The following KLF17 variants were observed in gnomAD, a reference collection of about 807,000 sequenced individuals.
KLF17 encodes the protein Krueppel-like factor 17.
KLF17 carries 31 observed loss-of-function variants against 34.2 expected under a neutral mutation model. That is an observed-to-expected ratio of 0.91 (90% CI 0.68 to 1.22). The LOEUF (loss-of-function observed/expected upper bound fraction) is 1.22, where lower values mean the gene tolerates loss of function less well. Ranked by LOEUF, KLF17 falls within the 50% of genes most tolerant of loss-of-function variation. The probability of loss-of-function intolerance (pLI) is 0.00; values close to 1 mark genes in which losing one functional copy is unlikely to be tolerated. For synonymous variants in KLF17, 179 were observed against 186.7 expected, an observed-to-expected ratio of 0.96 and a Z score of 0.34; for missense variants, 478 against 505.2, an observed-to-expected ratio of 0.95 and a Z score of 0.52.
chr1:44,066,597 A>C, the KLF17 span, among the ~76,000 whole-genome samples: 1 of 152,050 alleles, frequency 6.6e-6, no homozygotes, highest in Admixed American at 6.5e-5. Flanking sequence ...TTGAATATCC[A>C]CTCTGGAAAA....
rs141307073 is a variant in KLF17, at chr1:44,129,839, A to T, written c.568A>T (p.Thr190Ser). Residue 190 changes from threonine (T) to serine (S), a missense_variant, in exon 2 of 4, where the codon ACA (threonine) becomes TCA (serine). By Grantham distance (58) the Thr-to-Ser change is moderately conservative. Coordinates refer to ENST00000372299, the MANE Select transcript of KLF17 (RefSeq NM_173484.4). The part of the protein sequence containing the change: ...PGLSTVPSDE[T>S]LLGPTVPSTE... ...CCTCTCGACAGTACCTTCTGACGAAACATTGTTGGGCCCGACTGTGCCTTC... is the reference window on the plus strand; with the variant it reads ...CCTCTCGACAGTACCTTCTGACGAATCATTGTTGGGCCCGACTGTGCCTTC... 181 of 1,613,972 alleles carry T rather than the reference A, an allele frequency of 1.1e-4. No homozygotes were observed. The highest frequency in any genetic ancestry group is 1.4e-4 in the Non-Finnish European group (166 of 1,180,022).
chr1:44,099,853 G>GAAAGAAAA, the KLF17 span, among the ~76,000 whole-genome samples: 16 of 39,966 alleles, frequency 4.0e-4, 2 homozygotes, highest in African/African-American at 1.4e-3. Flanking sequence ...AAGAAAGAAA[G>GAAAGAAAA]AAAGAAAGAA....
the KLF17 span, chr1:44,104,191 G>A: frequency 1.6e-5 from 17 of 1,076,864 alleles, no homozygotes; most frequent in Non-Finnish European, 2.2e-5. Flanking sequence ...TTCTTGATGA[G>A]GACAAATTGA....
Position 44,129,941 on chromosome 1 carries a change from C to A in KLF17, c.670C>A (p.Pro224Thr), listed in dbSNP as rs149698028. Residue 224 changes from proline to threonine, a missense_variant, in exon 2 of 4, where the codon CCA becomes ACA. By Grantham distance (38) the Pro-to-Thr change is conservative. Coordinates refer to ENST00000372299, the MANE Select transcript of KLF17 (RefSeq NM_173484.4). ...AGATGCCCATGACCTTGGGATGCCC[C>A]CAGCTGAGTCCCAGTCATTGCTGGT... Reference protein sequence around the residue: ...PQDAHDLGMPPAESQSLLVLG... With the variant: ...PQDAHDLGMPTAESQSLLVLG... 6.2e-7 allele frequency: 1 copy of A among 1,614,080 alleles called. No individual in the cohort carries two copies. The highest frequency in any genetic ancestry group is 8.5e-7 in the Non-Finnish European group (1 of 1,180,046).
At chr1:44,125,765 G>A (rs1424543304) in intron 1 of KLF17, among the ~76,000 whole-genome samples, 1 of 152,134 alleles carries the variant, frequency 6.6e-6, no homozygotes, top group African/African-American at 2.4e-5. Context: ...ACCGCACCTG[G>A]CCTCAACTGT....
At chr1:44,112,115 A>G in the KLF17 span, among the ~76,000 whole-genome samples, 2 of 152,210 alleles carry the variant, frequency 1.3e-5, no homozygotes, top group East Asian at 3.8e-4. Context: ...TTGTTTGACC[A>G]TACCAACATG....
intron 1 of KLF17, among the ~76,000 whole-genome samples, chr1:44,120,221 A>G (rs912091564): frequency 2.6e-5 from 4 of 152,272 alleles, no homozygotes; most frequent in Admixed American, 2.6e-4. Context: ...TTAGAAGAGC[A>G]TGTGGGCCAT....
At chr1:44,081,818 C>T in the KLF17 span, among the ~76,000 whole-genome samples, 1 of 152,142 alleles carries the variant, frequency 6.6e-6, no homozygotes, top group Non-Finnish European at 1.5e-5. Context: ...TCCTTGTACT[C>T]CTAAGTGTAT....
At chr1:44,096,945 G>A in the KLF17 span, among the ~76,000 whole-genome samples, 37 of 152,208 alleles carry the variant, frequency 2.4e-4, no homozygotes, top group African/African-American at 8.9e-4. Context: ...TTCTTCTAGG[G>A]TTTTTATGGT....
the KLF17 span, chr1:44,103,537 G>T: frequency 7.4e-7 from 1 of 1,354,218 alleles, no homozygotes; most frequent in Non-Finnish European, 1.1e-6. Flanking sequence ...GTCTTCGTAT[G>T]GATACTCCTG....
the KLF17 span, among the ~76,000 whole-genome samples, chr1:44,081,503 C>T: frequency 2.0e-5 from 3 of 151,466 alleles, no homozygotes; most frequent in African/African-American, 7.3e-5. Context: ...GCAACCTCCA[C>T]CTCCCGGGTT....
chr1:44,073,478 C>T, the KLF17 span, among the ~76,000 whole-genome samples: 12,408 of 151,904 alleles, frequency 0.082, 508 homozygotes, highest in African/African-American at 0.1. Flanking sequence ...AGTGCTGGGA[C>T]TACAGGCATG....
At chr1:44,074,107 G>A in the KLF17 span, among the ~76,000 whole-genome samples, 32 of 151,590 alleles carry the variant, frequency 2.1e-4, no homozygotes, top group African/African-American at 6.3e-4. Flanking sequence ...TTTTTATTCC[G>A]TTCATCTATA....
intron 1 of KLF17, among the ~76,000 whole-genome samples, chr1:44,126,009 T>TTTTTTGTTTTGTTTTG (rs2088003453): frequency 6.6e-6 from 1 of 151,766 alleles, no homozygotes. Context: ...GACAAGGTTT[T>TTTTTTGTTTTGTTTTG]TTTTGTTTTG....
At chr1:44,046,128 G>GGATAAT in the KLF17 span, 1 of 71,934 alleles carries the variant, frequency 1.4e-5, no homozygotes, top group Non-Finnish European at 2.7e-5. Flanking sequence ...ATTTGGTAAA[G>GGATAAT]GATAATAATA....
At chr1:44,093,114 T>A in the KLF17 span, among the ~76,000 whole-genome samples, 2 of 152,176 alleles carry the variant, frequency 1.3e-5, no homozygotes, top group African/African-American at 4.8e-5. Context: ...ATCCTATTTG[T>A]CCATGTTTGC....
the KLF17 span, among the ~76,000 whole-genome samples, chr1:44,067,829 C>A: frequency 6.6e-6 from 1 of 151,780 alleles, no homozygotes; most frequent in East Asian, 1.9e-4. Context: ...GTGGGGATAA[C>A]CTGGGGCCAG....
At chr1:44,050,261 C>T in the KLF17 span, among the ~76,000 whole-genome samples, 3 of 152,154 alleles carry the variant, frequency 2.0e-5, no homozygotes, top group African/African-American at 4.8e-5. Flanking sequence ...ACCAGCACAC[C>T]ACTGCCAATG....
At chr1:44,117,045 C>T (rs772710559), upstream of KLF17, 22 of 152,150 alleles carry the variant, frequency 1.4e-4, no homozygotes, top group Non-Finnish European at 2.8e-4. Context: ...CTTTCCCTCC[C>T]TCCCTACCCC....
Sources: gnomAD v4.1 joint callset for allele counts (sites outside exome capture counted in the v4.1 genomes callset) on GRCh38, gnomAD v4.1.1 for gene constraint, MANE v1.5 for transcripts, NCBI Gene and HGNC (gene_info 2026-07-23, HGNC 2026-07-21) for gene names.